Variants in RAB3IP observed in about 807,000 individuals in gnomAD.
The protein encoded by RAB3IP is RAB3A interacting protein.
RAB3IP carries 36 observed loss-of-function variants against 59.1 expected under a neutral mutation model. The ratio of observed to expected loss-of-function variants is 0.61; its 90% CI spans 0.47 to 0.80. The LOEUF (loss-of-function observed/expected upper bound fraction) is 0.80, where lower values mean the gene tolerates loss of function less well. Among genes scored for constraint, RAB3IP ranks in the 30% least tolerant of loss-of-function variants. RAB3IP has a pLI of 0.00. For missense variants in RAB3IP, 511 were observed against 536.0 expected, an observed-to-expected ratio of 0.95 and a Z score of 0.46; for synonymous variants, 207 against 191.2, an observed-to-expected ratio of 1.08 and a Z score of -0.68.
intron 6 of RAB3IP, among the ~76,000 whole-genome samples, chr12:69,798,167 A>G (rs993043744): frequency 6.6e-6 from 1 of 152,192 alleles, no homozygotes; most frequent in African/African-American, 2.4e-5. Context: ...CTATTCCTCT[A>G]CATCCTCTCC....
At chr12:69,807,297 T>G (rs1879524759) in intron 8 of RAB3IP, among the ~76,000 whole-genome samples, 1 of 141,370 alleles carries the variant, frequency 7.1e-6, no homozygotes, top group Non-Finnish European at 1.5e-5. Context: ...GAGGCGCTCC[T>G]CACCTCCCAG....
intron 8 of RAB3IP, 56 bp from the exon 9 acceptor site, chr12:69,812,722 A>G: frequency 8.6e-7 from 1 of 1,160,744 alleles, no homozygotes; most frequent in Non-Finnish European, 1.3e-6. Context: ...CTTGTACAGA[A>G]GGTAGGGGCA....
rs1380271957 is a variant in RAB3IP, at chr12:69,755,517, C to T, written c.109C>T (p.Pro37Ser). ...AGGAACTCAAGAGCAGACTACCTCA[C>T]CAAGTGTCATCTACCGGCCACACCC... is the stretch of plus-strand genomic sequence containing the variant. ...ESGTQEQTTS[P>S]SVIYRPHPSA... Residue 37 changes from proline to serine, a missense_variant, in exon 2 of 11, where the codon CCA becomes TCA. Coordinates refer to ENST00000247833, the MANE Select transcript of RAB3IP (RefSeq NM_022456.5). 1 of 1,614,114 alleles carries T rather than the reference C, an allele frequency of 6.2e-7. No homozygotes were observed. Among genetic ancestry groups the T allele is most frequent in the Non-Finnish European group, 8.5e-7 (1 of 1,180,026 alleles).
rs545934512 is a variant in RAB3IP, at chr12:69,808,186, T to C, written c.1131-4592T>C. ...TCAGGAGCAGGTAGTTCAGTTTCCA[T>C]GTAGTTGAGCAGTTGTGAGTGAGTT... On this transcript the variant is annotated intron_variant, in intron 8 of 10. Transcript: ENST00000247833. Among the ~76,000 whole-genome samples the C allele has an allele frequency of 1.1e-4, 16 of 152,362 alleles. No individual in the cohort carries two copies. The East Asian group carries it at 2.9e-3, about 28-fold the overall frequency.
chr12:69,794,787 G>C (rs1877181490), intron 5 of RAB3IP, among the ~76,000 whole-genome samples: 1 of 152,106 alleles, frequency 6.6e-6, no homozygotes, highest in Non-Finnish European at 1.5e-5. Context: ...TTAATACTTA[G>C]TTTTTAAATT....
At chr12:69,789,828 T>A (rs1389316668) in intron 4 of RAB3IP, among the ~76,000 whole-genome samples, 1 of 152,128 alleles carries the variant, frequency 6.6e-6, no homozygotes, top group East Asian at 1.9e-4. Context: ...AATGATATAA[T>A]AATATACATT....
intron 8 of RAB3IP, among the ~76,000 whole-genome samples, chr12:69,804,329 C>A (rs1878888537): frequency 6.6e-6 from 1 of 152,134 alleles, no homozygotes; most frequent in Non-Finnish European, 1.5e-5. Flanking sequence ...ATCCTTTGCC[C>A]ACTTTTTGAT....
At chr12:69,760,689 T>C (rs2136143493) in intron 3 of RAB3IP, among the ~76,000 whole-genome samples, 1 of 151,962 alleles carries the variant, frequency 6.6e-6, no homozygotes, top group South Asian at 2.1e-4. Flanking sequence ...TTAAGATTGA[T>C]AATTTTTTTT....
chr12:69,812,610 C>T, intron 8 of RAB3IP, 168 bp from the exon 9 acceptor site: 1 of 590,956 alleles, frequency 1.7e-6, no homozygotes. Context: ...CTCACAAGGG[C>T]AGAGACTTTG....
intron 3 of RAB3IP, among the ~76,000 whole-genome samples, chr12:69,781,706 T>A (rs1249678898): frequency 6.6e-6 from 1 of 152,190 alleles, no homozygotes; most frequent in African/African-American, 2.4e-5. Flanking sequence ...GGCTTGTTAG[T>A]TCATTTTCTT....
At chr12:69,790,470 T>A (rs1003675412) in intron 4 of RAB3IP, among the ~76,000 whole-genome samples, 1 of 152,200 alleles carries the variant, frequency 6.6e-6, no homozygotes, top group Non-Finnish European at 1.5e-5. Context: ...TGTTAAAATG[T>A]CTATTCTACC....
At chr12:69,814,744 C>G (rs1460001082) in intron 10 of RAB3IP, among the ~76,000 whole-genome samples, 1 of 152,158 alleles carries the variant, frequency 6.6e-6, no homozygotes, top group African/African-American at 2.4e-5. Context: ...GATCATATAT[C>G]AAACGAAGAC....
Position 69,805,417 on chromosome 12 carries a change from A to C in RAB3IP, c.1130+3696A>C, listed in dbSNP as rs577961328. 2.0e-5 allele frequency among the ~76,000 whole-genome samples: 3 copies of C among 152,286 alleles called. No homozygotes were observed. The South Asian group carries it at 6.2e-4, about 32-fold the overall frequency. ...TTGGGCTGAGACGATGGGGTTTTCT[A>C]TGTGTACAATCATGTCATCTGCAAA... On this transcript the variant is annotated intron_variant, in intron 8 of 10. Coordinates refer to ENST00000247833, the MANE Select transcript of RAB3IP (RefSeq NM_022456.5).
chr12:69,820,991 G>C lies in RAB3IP; in HGVS notation c.*5545G>C, dbSNP rs968608915. The C allele has an allele frequency of 2.6e-5, 4 of 151,252 alleles. No homozygotes were observed. The highest frequency in any genetic ancestry group is 7.3e-5 in the African/African-American group (3 of 41,126). The allele number at this position is 151,252 out of a possible 1,614,324, so 9.4% of individuals were successfully genotyped here. The stretch of plus-strand genomic sequence containing the variant: ...CAAAACTTAAAAAAAAAATGTAGAA[G>C]AGGACTAAACTTGATAAAATATTAA... On this transcript the variant is annotated 3_prime_UTR_variant, in exon 11 of 11. Coordinates refer to ENST00000247833, the MANE Select transcript of RAB3IP (RefSeq NM_022456.5).
Position 69,807,552 on chromosome 12 carries a change from C to T in RAB3IP, c.1131-5226C>T, listed in dbSNP as rs558533887. Reference sequence around the variant, plus strand: ...CCCAGACAGGGTGGCTGGGCAGAGACGCTCCTCACCTCTCAGACAGGGCGG... The same window carrying T: ...CCCAGACAGGGTGGCTGGGCAGAGATGCTCCTCACCTCTCAGACAGGGCGG... On this transcript the variant is annotated intron_variant, in intron 8 of 10. Coordinates refer to ENST00000247833, the MANE Select transcript of RAB3IP (RefSeq NM_022456.5). Among the ~76,000 whole-genome samples, 196 of 141,332 alleles carry T rather than the reference C, an allele frequency of 1.4e-3. 1 individual carries two copies. Among genetic ancestry groups the T allele is most frequent in the Non-Finnish European group, 2.3e-3 (148 of 65,474 alleles). 92.7% of individuals were successfully genotyped at this position (141,332 alleles called of 152,430 possible).
At chr12:69,775,209 T>C (rs1456706155) in intron 3 of RAB3IP, among the ~76,000 whole-genome samples, 5 of 39,630 alleles carry the variant, frequency 1.3e-4, no homozygotes, top group Non-Finnish European at 1.9e-4. Context: ...TTTGGCTCTC[T>C]GTTTGTCTGT....
chr12:69,766,782 T>C (rs1872276046), intron 3 of RAB3IP, among the ~76,000 whole-genome samples: 1 of 152,070 alleles, frequency 6.6e-6, no homozygotes, highest in South Asian at 2.1e-4. Flanking sequence ...CACTTCGGCC[T>C]CCCAAAGTGC....
intron 3 of RAB3IP, among the ~76,000 whole-genome samples, chr12:69,772,795 T>C (rs1873367251): frequency 6.6e-6 from 1 of 152,228 alleles, no homozygotes; most frequent in Non-Finnish European, 1.5e-5. Flanking sequence ...TTTTGTCTTT[T>C]AGTCTTAATA....
chr12:69,779,707 C>G (rs1006485954), intron 3 of RAB3IP, among the ~76,000 whole-genome samples: 3 of 147,626 alleles, frequency 2.0e-5, no homozygotes, highest in Non-Finnish European at 3.0e-5. Context: ...TTTCCAGCGT[C>G]TCTCTTAAAT....
Sources: gnomAD v4.1 joint callset for allele counts (sites outside exome capture counted in the v4.1 genomes callset) on GRCh38, gnomAD v4.1.1 for gene constraint, MANE v1.5 for transcripts, NCBI Gene and HGNC (gene_info 2026-07-23, HGNC 2026-07-21) for gene names.